The following SOHLH2 variants were observed in gnomAD, a reference collection of about 807,000 sequenced individuals.
SOHLH2 encodes the protein spermatogenesis- and oogenesis-specific basic helix-loop-helix-containing protein 2.
A neutral mutation model predicts 50.4 loss-of-function variants in SOHLH2; 22 were observed. The ratio of observed to expected loss-of-function variants is 0.44; its 90% CI spans 0.31 to 0.62. The LOEUF (loss-of-function observed/expected upper bound fraction) is 0.62. SOHLH2 is among the 20% of genes least tolerant of loss of function. The pLI is 0.08. For synonymous variants in SOHLH2, 185 were observed against 187.3 expected (o/e 0.99, Z 0.10); for missense variants, 412 against 504.4 (o/e 0.82, Z 1.76).
chr13:36,184,930 C>T (rs1049156236), intron 6 of SOHLH2, among the ~76,000 whole-genome samples: 1 of 152,036 alleles, frequency 6.6e-6, no homozygotes. Context: ...TTCCCCTCAA[C>T]CCCCCGACAG....
Position 36,193,712 on chromosome 13 carries a change from C to A in SOHLH2, c.339G>T (p.Gly113=), listed in dbSNP as rs1396501258. Reference sequence around the variant, plus strand: ...CAGTTAAAGCAATATCCATTCCATGCCCTGAAATACAACCTAAGAATCTTT... The same window carrying A: ...CAGTTAAAGCAATATCCATTCCATGACCTGAAATACAACCTAAGAATCTTT... ...IPENFKGCIS[G]HGMDIALTEP... The change falls in exon 4 of 11, where the codon GGG becomes GGT. Residue 113 remains glycine, a synonymous_variant. Transcript: ENST00000379881. 8 of 1,609,846 alleles carry A rather than the reference C, an allele frequency of 5.0e-6. No individual in the cohort carries two copies. Among genetic ancestry groups the A allele is most frequent in the East Asian group, 2.2e-5 (1 of 44,756 alleles).
chr13:36,214,287 G>T (rs1355604311), intron 1 of SOHLH2, among the ~76,000 whole-genome samples, 192 bp downstream of exon 1: 2 of 152,102 alleles, frequency 1.3e-5, no homozygotes, highest in African/African-American at 2.4e-5. Context: ...CCGGGTCGGC[G>T]CTTCCCCAGC....
intron 2 of SOHLH2, among the ~76,000 whole-genome samples, chr13:36,196,896 G>A (rs182478775): frequency 1.3e-5 from 2 of 152,246 alleles, no homozygotes; most frequent in East Asian, 3.9e-4. Flanking sequence ...ATCGATAAGA[G>A]TTCCCAGAAT....
intron 1 of SOHLH2, among the ~76,000 whole-genome samples, chr13:36,209,383 G>T (rs1242317078): frequency 6.6e-6 from 1 of 151,158 alleles, no homozygotes; most frequent in Non-Finnish European, 1.5e-5. Context: ...TATAACAAAA[G>T]ACTATAAACT....
chr13:36,202,313 C>G (rs1593957832), intron 1 of SOHLH2, among the ~76,000 whole-genome samples: 1 of 152,164 alleles, frequency 6.6e-6, no homozygotes, highest in South Asian at 2.1e-4. Context: ...TGAAGGTCAC[C>G]CTGTTTTTAA....
chr13:36,194,090 T>G (rs1887653631), intron 2 of SOHLH2, among the ~76,000 whole-genome samples: 1 of 151,878 alleles, frequency 6.6e-6, no homozygotes, highest in African/African-American at 2.4e-5. Context: ...AGCCTAAACT[T>G]TATCCAAATT....
At chr13:36,190,176 G>T in intron 5 of SOHLH2, 120 bp from the exon 6 acceptor site, 1 of 791,014 alleles carries the variant, frequency 1.3e-6, no homozygotes, top group South Asian at 3.8e-5. Flanking sequence ...TTCATACAAA[G>T]GGGCAATAAG....
chr13:36,182,391 C>G (rs1003327904), intron 6 of SOHLH2: 1 of 584,182 alleles, frequency 1.7e-6, no homozygotes, highest in Non-Finnish European at 2.2e-6. Context: ...TCTTCACTGG[C>G]CTGTGCCTGC....
chr13:36,214,286 C>T (rs1368582107), intron 1 of SOHLH2, among the ~76,000 whole-genome samples, 193 bp downstream of exon 1: 1 of 151,900 alleles, frequency 6.6e-6, no homozygotes, highest in African/African-American at 2.4e-5. Context: ...GCCGGGTCGG[C>T]GCTTCCCCAG....
At chr13:36,196,124 ATAATT>A (rs1887720050) in intron 2 of SOHLH2, among the ~76,000 whole-genome samples, 5 of 134,216 alleles carry the variant, frequency 3.7e-5, no homozygotes, top group East Asian at 2.0e-4. Context: ...AGATAGATAG[ATAATT>A]TTTTTTTTTT....
At chr13:36,178,820 GTT>G (rs748848806) in intron 6 of SOHLH2, among the ~76,000 whole-genome samples, 22 of 127,290 alleles carry the variant, frequency 1.7e-4, no homozygotes, top group East Asian at 1.2e-3. Context: ...CAGATCATTT[GTT>G]TTTTTTTTTT....
Position 36,189,931 on chromosome 13 carries a change from T to G in SOHLH2, c.641+15A>C, listed in dbSNP as rs1887527568. 1.9e-6 allele frequency: 3 copies of G among 1,573,112 alleles called. No individual in the cohort carries two copies. On this transcript the variant is annotated intron_variant, in intron 6 of 10. Transcript: ENST00000379881. ...CAAAAGAATAATGCTTAAAAAGTGC[T>G]ATATTAAAATTCACCTTCTTAGTTT...
At chr13:36,182,140 C>T in intron 6 of SOHLH2, 3 of 985,354 alleles carry the variant, frequency 3.0e-6, no homozygotes, top group South Asian at 9.4e-5. Context: ...CTTTATGTCC[C>T]TTTGATTGTG....
intron 2 of SOHLH2, among the ~76,000 whole-genome samples, chr13:36,195,448 A>G (rs541768829): frequency 2.6e-5 from 4 of 152,314 alleles, no homozygotes; most frequent in African/African-American, 9.6e-5. Context: ...GTGGAGACCA[A>G]AGAGCGAGGG....
intron 6 of SOHLH2, among the ~76,000 whole-genome samples, chr13:36,186,377 G>A (rs1887419544): frequency 6.6e-6 from 1 of 152,096 alleles, no homozygotes; most frequent in African/African-American, 2.4e-5. Flanking sequence ...TCTGAAACAA[G>A]GCACGGATGT....
In SOHLH2 at chr13:36,214,467, A is replaced by G; in HGVS notation, c.48+12T>C. ...TATAAACGCAGCTGCCTCCCCTTCCACAGCCTCTTACCTGGCCCGAGATCT... is the reference window on the plus strand; with the variant it reads ...TATAAACGCAGCTGCCTCCCCTTCCGCAGCCTCTTACCTGGCCCGAGATCT... On this transcript the variant is annotated intron_variant, in intron 1 of 10. Transcript: ENST00000379881. The G allele has an allele frequency of 1.2e-6, 2 of 1,611,942 alleles. No individual in the cohort carries two copies. The highest frequency in any genetic ancestry group is 1.7e-6 in the Non-Finnish European group (2 of 1,179,130).
Position 36,193,637 on chromosome 13 carries a change from T to C in SOHLH2, c.414A>G (p.Thr138=). The change falls in exon 4 of 11, where the codon ACA becomes ACG. Residue 138 remains threonine, a synonymous_variant. Coordinates refer to ENST00000379881, the MANE Select transcript of SOHLH2 (RefSeq NM_017826.3). ...TTTACTCACCAGTGTTTGAGGGACA[T>C]GTTGTCCAGTATTTTACCACATTAC... The part of the protein sequence containing the change: ...KMSNVVKYWT[T]CPSNTVKTEN... 6.2e-7 allele frequency: 1 copy of C among 1,606,728 alleles called. No individual in the cohort carries two copies. The highest frequency in any genetic ancestry group is 8.5e-7 in the Non-Finnish European group (1 of 1,178,330).
intron 2 of SOHLH2, 41 bp from the exon 3 acceptor site, chr13:36,193,908 T>A (rs1381037054): frequency 6.4e-7 from 1 of 1,570,146 alleles, no homozygotes; most frequent in Non-Finnish European, 8.6e-7. Flanking sequence ...GCAAAATCAT[T>A]ATTCAAAAAA....
chr13:36,200,820 G>A (rs1887878921), intron 2 of SOHLH2, among the ~76,000 whole-genome samples: 1 of 151,982 alleles, frequency 6.6e-6, no homozygotes, highest in Non-Finnish European at 1.5e-5. Context: ...GGAGGCCTAG[G>A]TGGGTGGATC....
Sources: allele counts gnomAD v4.1 joint callset (sites outside exome capture counted in the v4.1 genomes callset), GRCh38; gene constraint gnomAD v4.1.1; transcripts MANE v1.5; gene names NCBI Gene and HGNC (gene_info 2026-07-23, HGNC 2026-07-21).